IQCB1: variants seen among roughly 807,000 people sequenced by gnomAD.
IQCB1 encodes IQ calmodulin-binding motif-containing protein 1.
In IQCB1, 56 loss-of-function variants were observed where a neutral mutation model predicts 84.4. That is an observed-to-expected ratio of 0.66 (90% CI 0.54 to 0.83). IQCB1 has a LOEUF of 0.83. Ranked by LOEUF, IQCB1 falls within the 40% of genes least tolerant of loss-of-function variation. The probability of loss-of-function intolerance (pLI) is 0.00; values close to 1 mark genes in which losing one functional copy is unlikely to be tolerated. For synonymous variants in IQCB1, 210 were observed against 234.8 expected (o/e 0.89, Z 0.96); for missense variants, 629 against 682.1 (o/e 0.92, Z 0.87).
intron 12 of IQCB1, among the ~76,000 whole-genome samples, chr3:121,786,218 T>G (rs1042734799): frequency 3.5e-5 from 2 of 57,474 alleles, no homozygotes. Flanking sequence ...AAGAAAAGGA[T>G]GCTTTAAAAA....
intron 7 of IQCB1, among the ~76,000 whole-genome samples, chr3:121,804,197 A>C (rs572657663): frequency 1.3e-5 from 2 of 152,108 alleles, no homozygotes; most frequent in African/African-American, 4.8e-5. Flanking sequence ...GTCTTACATC[A>C]GTATACTTCC....
At chr3:121,807,221 G>C in intron 7 of IQCB1, 123 bp downstream of exon 7, 1 of 670,620 alleles carries the variant, frequency 1.5e-6, no homozygotes, top group Non-Finnish European at 2.8e-6. Context: ...CGAGTATATA[G>C]TGCATATACT....
Position 121,807,454 on chromosome 3 carries a change from A to T in IQCB1, c.488-11T>A. 8.2e-7 allele frequency: 1 copy of T among 1,221,522 alleles called. No homozygotes were observed. The highest frequency in any genetic ancestry group is 1.2e-6 in the Non-Finnish European group (1 of 825,500). The allele number at this position is 1,221,522 out of a possible 1,614,324, so 75.7% of individuals were successfully genotyped here. On this transcript the variant is annotated splice_polypyrimidine_tract_variant and intron_variant, in intron 6 of 14. Coordinates refer to ENST00000310864, the MANE Select transcript of IQCB1 (RefSeq NM_001023570.4). ...GATCACTTTGTAGTACTAAAGGAAA[A>T]GAAAAAAAAAGAAAGATTAAAGTAA...
At chr3:121,785,705 G>A (rs1948679157) in intron 12 of IQCB1, among the ~76,000 whole-genome samples, 1 of 152,092 alleles carries the variant, frequency 6.6e-6, no homozygotes, top group Non-Finnish European at 1.5e-5. Context: ...AAGTATTACT[G>A]AGATACTTTA....
intron 12 of IQCB1, among the ~76,000 whole-genome samples, chr3:121,787,074 G>C (rs1204136853): frequency 6.6e-6 from 1 of 152,106 alleles, no homozygotes; most frequent in Non-Finnish European, 1.5e-5. Flanking sequence ...TGATGGTGCA[G>C]GATTGTTTGT....
At chr3:121,802,456 A>G (rs1949441473) in intron 7 of IQCB1, among the ~76,000 whole-genome samples, 1 of 152,042 alleles carries the variant, frequency 6.6e-6, no homozygotes, top group South Asian at 2.1e-4. Context: ...TGATATTTTT[A>G]GTATTTGTAG....
At chr3:121,814,299 C>A (rs531147876) in intron 5 of IQCB1, among the ~76,000 whole-genome samples, 1 of 152,230 alleles carries the variant, frequency 6.6e-6, no homozygotes, top group African/African-American at 2.4e-5. Context: ...GCACTAAATG[C>A]CCACAGGAGA....
chr3:121,790,670 G>A (rs565009984), intron 10 of IQCB1, among the ~76,000 whole-genome samples: 84 of 152,162 alleles, frequency 5.5e-4, no homozygotes, highest in African/African-American at 2.0e-3. Context: ...TAAAATGTTC[G>A]AAGAATATTT....
intron 3 of IQCB1, 64 bp from the exon 4 acceptor site, chr3:121,828,696 T>G (rs1033891725): frequency 2.5e-6 from 3 of 1,216,590 alleles, no homozygotes; most frequent in Admixed American, 3.8e-5. Flanking sequence ...TATTTGTATT[T>G]TTATATGTTG....
intron 2 of IQCB1, chr3:121,834,155 C>T (rs1481828294): frequency 6.6e-6 from 1 of 152,144 alleles, no homozygotes; most frequent in African/African-American, 2.4e-5. Context: ...TTTACACAGA[C>T]AGGTTGAAGG....
intron 12 of IQCB1, among the ~76,000 whole-genome samples, chr3:121,787,476 G>A (rs575373111): frequency 6.6e-6 from 1 of 152,300 alleles, no homozygotes; most frequent in African/African-American, 2.4e-5. Context: ...TAAGAGGCCG[G>A]GAGCGGTGGC....
intron 4 of IQCB1, 107 bp from the exon 5 acceptor site, chr3:121,826,287 CCAAGA>C: frequency 9.2e-7 from 1 of 1,089,368 alleles, no homozygotes; most frequent in Non-Finnish European, 1.4e-6. Flanking sequence ...TCTTTTGTTA[CCAAGA>C]CAATAAAGAA....
chr3:121,805,306 G>T (rs1284129089), intron 7 of IQCB1, among the ~76,000 whole-genome samples: 1 of 152,064 alleles, frequency 6.6e-6, no homozygotes, highest in African/African-American at 2.4e-5. Context: ...AGTACTGCAA[G>T]TAGTTATCAG....
At chr3:121,802,658 T>C (rs1244682424) in intron 7 of IQCB1, among the ~76,000 whole-genome samples, 18 of 152,176 alleles carry the variant, frequency 1.2e-4, no homozygotes, top group Admixed American at 1.2e-3. Context: ...TAGAATTTTA[T>C]TGATTTCTGC....
At position 121,810,411 on chromosome 3, in the gene IQCB1, T is replaced by C. The variant is rs1949780628; in HGVS notation, c.394-1402A>G. Among the ~76,000 whole-genome samples the C allele has an allele frequency of 2.0e-5, 3 of 152,120 alleles. No individual in the cohort carries two copies. The South Asian group carries it at 6.2e-4, about 31-fold the overall frequency. On this transcript the variant is annotated intron_variant, in intron 5 of 14. Transcript: ENST00000310864. The stretch of plus-strand genomic sequence containing the variant: ...TTGCCCTGTGGTTAAGTGGCCTTAC[T>C]TTTTCTGTAGCCAATTAATTCTTGG...
intron 7 of IQCB1, among the ~76,000 whole-genome samples, chr3:121,800,795 C>T (rs1322876367): frequency 8.9e-6 from 1 of 112,028 alleles, no homozygotes; most frequent in African/African-American, 3.6e-5. Context: ...CATCTTATCT[C>T]TCTGCTTCTC....
chr3:121,818,691 AAG>A (rs1488810632), intron 5 of IQCB1, among the ~76,000 whole-genome samples: 1 of 152,218 alleles, frequency 6.6e-6, no homozygotes, highest in East Asian at 1.9e-4. Context: ...CAGATTTTAA[AAG>A]AGAGATTATA....
chr3:121,771,562 C>T (rs1274635280), intron 14 of IQCB1, among the ~76,000 whole-genome samples: 3 of 151,844 alleles, frequency 2.0e-5, no homozygotes, highest in South Asian at 2.1e-4. Flanking sequence ...CTCCTGACCT[C>T]GTGATCCGCC....
At chr3:121,821,564 G>A (rs577533336) in intron 5 of IQCB1, among the ~76,000 whole-genome samples, 2 of 152,238 alleles carry the variant, frequency 1.3e-5, no homozygotes, top group South Asian at 4.1e-4. Flanking sequence ...ATAGTCTCTA[G>A]AAACTACTGA....
Sources: allele counts gnomAD v4.1 joint callset (sites outside exome capture counted in the v4.1 genomes callset), GRCh38; gene constraint gnomAD v4.1.1; transcripts MANE v1.5; gene names NCBI Gene and HGNC (gene_info 2026-07-23, HGNC 2026-07-21).